CERS1: variants seen among roughly 807,000 people sequenced by gnomAD.
CERS1 encodes the protein ceramide synthase 1.
A neutral mutation model predicts 35.7 loss-of-function variants in CERS1; 16 were observed. That is an observed-to-expected ratio of 0.45 (90% CI 0.30 to 0.68). CERS1 has a LOEUF of 0.68. Ranked by LOEUF, CERS1 falls within the 30% of genes least tolerant of loss-of-function variation. The pLI is 0.08. For synonymous variants in CERS1, 243 were observed against 201.6 expected (o/e 1.21, Z -1.74); for missense variants, 454 against 453.9 (o/e 1.00, Z 0.00).
intron 1 of CERS1, 126 bp from the exon 2 acceptor site, chr19:18,893,701 G>T: frequency 1.1e-6 from 1 of 933,544 alleles, no homozygotes; most frequent in Non-Finnish European, 1.6e-6. Context: ...TGTCCCCCAT[G>T]CCCACAGCCA....
At position 18,870,016 on chromosome 19, in the gene CERS1, C is replaced by A. The variant is rs867486870; in HGVS notation, c.*561G>T. The A allele has an allele frequency of 6.3e-7, 1 of 1,596,264 alleles. No individual in the cohort carries two copies. The highest frequency in any genetic ancestry group is 8.5e-7 in the Non-Finnish European group (1 of 1,173,486). On this transcript the variant is annotated 3_prime_UTR_variant, in exon 7 of 8. Coordinates refer to ENST00000623882, the MANE Select transcript of CERS1 (RefSeq NM_021267.5). The surrounding 1 kb of genome is among the most constrained non-coding windows in gnomAD (Gnocchi z 5.1). Reference sequence around the variant, plus strand: ...GGGATGTGGCGCACGATGTTTCCGGCGACCCCCAGCTCCTCCACGTGGCAC... The same window carrying A: ...GGGATGTGGCGCACGATGTTTCCGGAGACCCCCAGCTCCTCCACGTGGCAC...
chr19:18,891,588 C>G (rs1409084175), intron 2 of CERS1, among the ~76,000 whole-genome samples: 1 of 152,072 alleles, frequency 6.6e-6, no homozygotes, highest in Non-Finnish European at 1.5e-5. Flanking sequence ...CTCCACACCC[C>G]CAACCCCCAG....
upstream of CERS1, among the ~76,000 whole-genome samples, chr19:18,896,348 C>T (rs2146086292): frequency 6.6e-6 from 1 of 151,326 alleles, no homozygotes; most frequent in African/African-American, 2.4e-5. The surrounding 1 kb of genome is among the most constrained non-coding windows in gnomAD (Gnocchi z 5.9). Context: ...GCCCGTTGGA[C>T]CTGGACCCCG....
Position 18,884,208 on chromosome 19 carries a change from T to C in CERS1, c.469A>G (p.Ser157Gly), listed in dbSNP as rs2056290804. The change falls in exon 3 of 8, where the codon AGC becomes GGC. Residue 157 changes from serine to glycine, a missense_variant. Transcript: ENST00000623882. ...DIAAAYLLQG[S>G]FYGHSIYATL... ...GCGTAGATGGAGTGGCCATAGAAGC[T>C]TCCCTGGAGCAGGTAGGCGGCTGCA... The C allele has an allele frequency of 6.2e-7, 1 of 1,613,320 alleles. No individual in the cohort carries two copies. Among genetic ancestry groups the C allele is most frequent in the South Asian group, 1.1e-5 (1 of 91,040 alleles).
intron 2 of CERS1, among the ~76,000 whole-genome samples, chr19:18,888,519 T>TAA (rs781426705): frequency 0.016 from 959 of 59,018 alleles, 72 homozygotes; most frequent in African/African-American, 0.065. Context: ...CCCTGTCTCT[T>TAA]AAAAAAAAAA....
chr19:18,895,580 C>T lies in CERS1; in HGVS notation c.249+244G>A, dbSNP rs576080223. On this transcript the variant is annotated intron_variant, in intron 1 of 7. Coordinates refer to ENST00000623882, the MANE Select transcript of CERS1 (RefSeq NM_021267.5). The surrounding 1 kb of genome is among the most constrained non-coding windows in gnomAD (Gnocchi z 6.4). ...GACTCACCCCAGCCCGGCCACACCCCCGCATCTACCCGGTTCCCCCACGCA... is the reference window on the plus strand; with the variant it reads ...GACTCACCCCAGCCCGGCCACACCCTCGCATCTACCCGGTTCCCCCACGCA... Among the ~76,000 whole-genome samples the T allele has an allele frequency of 1.4e-4, 21 of 151,950 alleles. No individual in the cohort carries two copies. The highest frequency in any genetic ancestry group is 5.1e-4 in the African/African-American group (21 of 41,450).
chr19:18,869,622 A>G (rs1601145109), intron 7 of CERS1, among the ~76,000 whole-genome samples: 1 of 127,662 alleles, frequency 7.8e-6, no homozygotes, highest in Non-Finnish European at 1.7e-5. Flanking sequence ...GGGGCATAGG[A>G]GGAGGGGTGG....
At position 18,896,064 on chromosome 19, in the gene CERS1, C is replaced by T. The variant is rs1310539014; in HGVS notation, c.9G>A (p.Ala3=). 4 of 978,346 alleles carry T rather than the reference C, an allele frequency of 4.1e-6. No individual in the cohort carries two copies. The highest frequency in any genetic ancestry group is 4.8e-6 in the Non-Finnish European group (4 of 825,414). 60.6% of individuals were successfully genotyped at this position (978,346 alleles called of 1,614,324 possible). Residue 3 remains alanine, a synonymous_variant, in exon 1 of 8, where the codon GCG becomes GCA. Transcript: ENST00000623882. This position sits in a 1 kb window ranked among gnomAD's most constrained non-coding sequence, Gnocchi z 5.9. ...CCGTCGGCCCCGCCGCGGGCCCCGC[C>T]GCCGCCATACCGCCCGCTCGCCCGC... MA[A]AGPAAGPTGP... is the part of the protein sequence containing the mutation.
chr19:18,889,428 G>A (rs1370399051), intron 2 of CERS1, among the ~76,000 whole-genome samples: 2 of 151,832 alleles, frequency 1.3e-5, no homozygotes, highest in East Asian at 1.9e-4. Flanking sequence ...CCTCTCCCTC[G>A]TTTTTTGAGA....
rs1250664858 is a variant in CERS1 at position 18,869,152 on chromosome 19, G to A, written c.*833C>T. The A allele has an allele frequency of 5.3e-6, 6 of 1,126,806 alleles. No homozygotes were observed. Among genetic ancestry groups the A allele is most frequent in the Non-Finnish European group, 6.5e-6 (6 of 920,116 alleles). 69.8% of individuals were successfully genotyped at this position (1,126,806 alleles called of 1,614,324 possible). A position where few individuals can be genotyped will look rare whatever the true frequency, so the allele number is the denominator to read the frequency against. ...CCGCGCGCACTGGCGGCCCCAGGGC[G>A]GGCACCAACTGGCGGAGCAGCACCG... On this transcript the variant is annotated 3_prime_UTR_variant, in exon 8 of 8. Coordinates refer to ENST00000623882, the MANE Select transcript of CERS1 (RefSeq NM_021267.5).
chr19:18,877,528 G>C (rs1451001752), intron 6 of CERS1, among the ~76,000 whole-genome samples: 1 of 152,146 alleles, frequency 6.6e-6, no homozygotes, highest in Non-Finnish European at 1.5e-5. Flanking sequence ...AAGGCATGTG[G>C]ACCACTTGAG....
rs1002535538 is a variant in CERS1, at chr19:18,895,127, A to G, written c.249+697T>C. ...CAACCCTGAAGCCCCGGGCCATGTCACCTCCAAGGGAGCGACCACTGGCGT... is the reference window on the plus strand; with the variant it reads ...CAACCCTGAAGCCCCGGGCCATGTCGCCTCCAAGGGAGCGACCACTGGCGT... On this transcript the variant is annotated intron_variant, in intron 1 of 7. Transcript: ENST00000623882. The surrounding 1 kb of genome is among the most constrained non-coding windows in gnomAD (Gnocchi z 6.4). Among the ~76,000 whole-genome samples, 2 of 151,978 alleles carry G rather than the reference A, an allele frequency of 1.3e-5. No individual in the cohort carries two copies. The highest frequency in any genetic ancestry group is 4.8e-5 in the African/African-American group (2 of 41,368).
chr19:18,890,131 G>A (rs2056455759), intron 2 of CERS1, among the ~76,000 whole-genome samples: 2 of 152,276 alleles, frequency 1.3e-5, no homozygotes, highest in East Asian at 3.9e-4. Flanking sequence ...TGGATGGCAT[G>A]GCCCCCACTT....
chr19:18,893,259 G>C (rs889219499), intron 2 of CERS1, among the ~76,000 whole-genome samples, 157 bp downstream of exon 2: 1 of 152,176 alleles, frequency 6.6e-6, no homozygotes, highest in African/African-American at 2.4e-5. Flanking sequence ...CTGTCGTCCA[G>C]GCTGGAGTGC....
intron 4 of CERS1, 96 bp from the exon 5 acceptor site, chr19:18,879,484 A>G (rs2146013908): frequency 7.0e-7 from 1 of 1,421,560 alleles, no homozygotes; most frequent in Non-Finnish European, 9.4e-7. Flanking sequence ...TTGCCCCCTT[A>G]TCCCATCCTT....
intron 6 of CERS1, among the ~76,000 whole-genome samples, chr19:18,873,553 C>T (rs188319330): frequency 2.6e-5 from 4 of 151,706 alleles, no homozygotes; most frequent in African/African-American, 4.8e-5. Flanking sequence ...AAAAATTAGC[C>T]GGGGCCAAGC....
At chr19:18,892,999 C>T (rs1267223027) in intron 2 of CERS1, among the ~76,000 whole-genome samples, 1 of 152,028 alleles carries the variant, frequency 6.6e-6, no homozygotes, top group Non-Finnish European at 1.5e-5. Context: ...TCACTGCAAC[C>T]TCTGCCTCCC....
At chr19:18,884,917 T>C (rs2097800747) in intron 2 of CERS1, among the ~76,000 whole-genome samples, 1 of 151,308 alleles carries the variant, frequency 6.6e-6, no homozygotes, top group East Asian at 1.9e-4. Context: ...GCTTTTGCCA[T>C]GTTGGACAGA....
At position 18,878,501 on chromosome 19, in the gene CERS1, G is replaced by A. The variant is rs1384310946; in HGVS notation, c.1010+429C>T. The A allele has an allele frequency of 2.0e-6, 2 of 1,001,424 alleles. No homozygotes were observed. The highest frequency in any genetic ancestry group is 4.2e-5 in the South Asian group (1 of 23,606). 62.0% of individuals were successfully genotyped at this position (1,001,424 alleles called of 1,614,324 possible). ...ATGTCTCGGCCCAGATGGAGCCTGG[G>A]TTCTCTCTGTGGCCCTTGGCGTTCC... On this transcript the variant is annotated intron_variant, in intron 6 of 7. Coordinates refer to ENST00000623882, the MANE Select transcript of CERS1 (RefSeq NM_021267.5). The surrounding 1 kb of genome is among the most constrained non-coding windows in gnomAD (Gnocchi z 4.6).
Sources: gnomAD v4.1 joint callset for allele counts (sites outside exome capture counted in the v4.1 genomes callset) on GRCh38, gnomAD v4.1.1 for gene constraint, Gnocchi (gnomAD v3.1) non-coding constraint, MANE v1.5 for transcripts, NCBI Gene and HGNC (gene_info 2026-07-23, HGNC 2026-07-21) for gene names.